The following DPF3 variants were observed in gnomAD, a reference collection of about 807,000 sequenced individuals.
DPF3 encodes the protein zinc finger protein DPF3.
A neutral mutation model predicts 56.8 loss-of-function variants in DPF3; 18 were observed. The ratio of observed to expected loss-of-function variants is 0.32; its 90% CI spans 0.22 to 0.47. The LOEUF (loss-of-function observed/expected upper bound fraction) is 0.47. DPF3 is among the 20% of genes least tolerant of loss of function. The probability of loss-of-function intolerance (pLI) is 1.00; values close to 1 mark genes in which losing one functional copy is unlikely to be tolerated. For synonymous variants in DPF3, 188 were observed against 180.2 expected, an observed-to-expected ratio of 1.04 and a Z score of -0.35; for missense variants, 403 against 488.8, an observed-to-expected ratio of 0.82 and a Z score of 1.65.
At chr14:72,838,649 C>A (rs1485560063) in intron 1 of DPF3, among the ~76,000 whole-genome samples, 1 of 151,616 alleles carries the variant, frequency 6.6e-6, no homozygotes, top group Non-Finnish European at 1.5e-5. Context: ...CCCAGCTACT[C>A]GGGAGGCTGA....
chr14:72,634,517 G>A (rs1489897729), intron 8 of DPF3, among the ~76,000 whole-genome samples: 3 of 152,034 alleles, frequency 2.0e-5, no homozygotes, highest in Non-Finnish European at 2.9e-5. Context: ...TAACAAATAC[G>A]GTCTTTCCAA....
chr14:72,723,279 C>T (rs1889259887), intron 5 of DPF3, among the ~76,000 whole-genome samples: 1 of 151,946 alleles, frequency 6.6e-6, no homozygotes, highest in African/African-American at 2.4e-5. Flanking sequence ...GTCATTCTGG[C>T]ACAGCACCAG....
chr14:72,751,993 C>T (rs779306185), intron 3 of DPF3, among the ~76,000 whole-genome samples: 3 of 152,106 alleles, frequency 2.0e-5, no homozygotes, highest in Non-Finnish European at 2.9e-5. Flanking sequence ...CCCACTCACC[C>T]CTAACAAATA....
intron 1 of DPF3, among the ~76,000 whole-genome samples, chr14:72,846,524 G>A (rs1884768122): frequency 6.6e-6 from 1 of 151,686 alleles, no homozygotes; most frequent in Non-Finnish European, 1.5e-5. Flanking sequence ...TTTTAGTAGA[G>A]ACGAGGTTTC....
At chr14:72,713,589 A>G (rs948020626) in intron 6 of DPF3, among the ~76,000 whole-genome samples, 4 of 152,236 alleles carry the variant, frequency 2.6e-5, no homozygotes, top group Admixed American at 6.5e-5. Context: ...AGAGAGGAGA[A>G]GACGGCAAGT....
chr14:72,771,961 C>G, intron 1 of DPF3, 68 bp from the exon 2 acceptor site: 1 of 1,385,736 alleles, frequency 7.2e-7, no homozygotes, highest in Non-Finnish European at 9.4e-7. Flanking sequence ...GGAAACACAC[C>G]CAGAGGGAAA....
At chr14:72,756,686 C>T (rs569117916) in intron 2 of DPF3, among the ~76,000 whole-genome samples, 17 of 151,720 alleles carry the variant, frequency 1.1e-4, no homozygotes, top group Non-Finnish European at 1.9e-4. Flanking sequence ...GTGGCGCATG[C>T]CTGTAATCTC....
At chr14:72,623,786 T>A (rs1242582432) in intron 9 of DPF3, among the ~76,000 whole-genome samples, 1 of 152,190 alleles carries the variant, frequency 6.6e-6, no homozygotes, top group Non-Finnish European at 1.5e-5. Context: ...AAACAATGAC[T>A]AACAGCAAAA....
chr14:72,783,620 C>A (rs1437600668), intron 1 of DPF3, among the ~76,000 whole-genome samples: 5 of 152,164 alleles, frequency 3.3e-5, no homozygotes, highest in African/African-American at 1.2e-4. Context: ...TCATGGCCAC[C>A]CACATACCCC....
At chr14:72,686,886 G>C (rs1368243501) in intron 7 of DPF3, among the ~76,000 whole-genome samples, 3 of 152,108 alleles carry the variant, frequency 2.0e-5, no homozygotes, top group African/African-American at 7.2e-5. Flanking sequence ...AAATTTCTAA[G>C]CTTGTTTCAA....
chr14:72,858,614 A>G (rs557831625), intron 1 of DPF3, among the ~76,000 whole-genome samples: 21 of 152,196 alleles, frequency 1.4e-4, no homozygotes, highest in Non-Finnish European at 2.8e-4. Flanking sequence ...AAACAAAACT[A>G]AGGCGTGGTC....
chr14:72,866,871 C>T (rs1446737817), intron 1 of DPF3, among the ~76,000 whole-genome samples: 1 of 149,750 alleles, frequency 6.7e-6, no homozygotes, highest in East Asian at 2.0e-4. Flanking sequence ...GTGATCCACC[C>T]GACTCGGCCT....
At chr14:72,653,910 G>A (rs1885991465) in intron 8 of DPF3, among the ~76,000 whole-genome samples, 1 of 152,282 alleles carries the variant, frequency 6.6e-6, no homozygotes, top group Admixed American at 6.5e-5. Flanking sequence ...CTGGGGTTCT[G>A]TTACGACATC....
At chr14:72,844,851 G>C (rs986924982) in intron 1 of DPF3, among the ~76,000 whole-genome samples, 2 of 152,190 alleles carry the variant, frequency 1.3e-5, no homozygotes, top group African/African-American at 4.8e-5. Context: ...AACCAGGTAT[G>C]GTGGCTCATA....
At chr14:72,759,497 T>C (rs1490147111) in intron 2 of DPF3, among the ~76,000 whole-genome samples, 3 of 143,782 alleles carry the variant, frequency 2.1e-5, no homozygotes, top group African/African-American at 7.6e-5. Context: ...AGTAAGATCC[T>C]GTCTCCACAA....
intron 8 of DPF3, among the ~76,000 whole-genome samples, chr14:72,647,893 G>T (rs1045852115): frequency 2.6e-5 from 4 of 152,120 alleles, no homozygotes; most frequent in Admixed American, 1.3e-4. Flanking sequence ...CTTTAATCTC[G>T]CCAGGAGCTC....
chr14:72,856,451 T>C (rs1258547709), intron 1 of DPF3, among the ~76,000 whole-genome samples: 1 of 152,082 alleles, frequency 6.6e-6, no homozygotes, highest in Non-Finnish European at 1.5e-5. Context: ...AGTGGGGTGC[T>C]GGTACTTCTG....
chr14:72,610,225 AGT>A lies in DPF3; in HGVS notation c.*9070_*9071del, dbSNP rs1883642112. On this transcript the variant is annotated 3_prime_UTR_variant, in exon 11 of 11. Transcript: ENST00000556509. ...AATGGAGGCAGCAATTGGAGATCTC[AGT>A]GTGTTTCCAGGGTCTCTGACTCAAC... 6.6e-6 allele frequency among the ~76,000 whole-genome samples: 1 copy of A among 152,214 alleles called. No individual in the cohort carries two copies. The highest frequency in any genetic ancestry group is 2.4e-5 in the African/African-American group (1 of 41,452).
intron 1 of DPF3, among the ~76,000 whole-genome samples, chr14:72,872,604 G>A (rs926422555): frequency 1.4e-4 from 22 of 152,152 alleles, no homozygotes; most frequent in South Asian, 4.2e-4. Flanking sequence ...AAAAGAGCCC[G>A]CATTGCCAAG....
Sources: allele counts gnomAD v4.1 joint callset (sites outside exome capture counted in the v4.1 genomes callset), GRCh38; gene constraint gnomAD v4.1.1; transcripts MANE v1.5; gene names NCBI Gene and HGNC (gene_info 2026-07-23, HGNC 2026-07-21).